The following GALNT17 variants were observed in gnomAD, a reference collection of about 807,000 sequenced individuals.
The protein encoded by GALNT17 is UDP-GalNAc:polypeptide N-acetylgalactosaminyltransferase-like 3.
In GALNT17, 29 loss-of-function variants were observed where a neutral mutation model predicts 63.7. The observed-to-expected ratio is 0.46, with a 90% CI of 0.34 to 0.62. The LOEUF is 0.62. GALNT17 is among the 20% of genes least tolerant of loss of function. GALNT17 has a pLI of 0.01. For synonymous variants in GALNT17, 305 were observed against 318.3 expected, an observed-to-expected ratio of 0.96 and a Z score of 0.45; for missense variants, 603 against 799.6, an observed-to-expected ratio of 0.75 and a Z score of 2.97.
rs5884850 is a variant in GALNT17, at chr7:71,647,229, A to ATTTTTTTTTTT, written c.1081-18181_1081-18171dup. Among the ~76,000 whole-genome samples, 897 of 137,456 alleles carry ATTTTTTTTTTT rather than the reference A, an allele frequency of 6.5e-3. 53 individuals carry two copies. Among genetic ancestry groups the ATTTTTTTTTTT allele is most frequent in the African/African-American group, 0.026 (850 of 32,098 alleles). The allele number at this position is 137,456 out of a possible 152,430, so 90.2% of individuals were successfully genotyped here. On this transcript the variant is annotated intron_variant, in intron 6 of 10. Coordinates refer to ENST00000333538, the MANE Select transcript of GALNT17 (RefSeq NM_022479.3). ...CAGGTGCCCACCACTGTGCCCAGCT[A>ATTTTTTTTTTT]TTTTTTTTTTTGTATTTTTAGTAGA...
At chr7:71,660,214 T>TTTAA (rs1489611651) in intron 6 of GALNT17, among the ~76,000 whole-genome samples, 2 of 152,138 alleles carry the variant, frequency 1.3e-5, no homozygotes, top group Non-Finnish European at 2.9e-5. Context: ...CCCATATCCA[T>TTTAA]TTAAGCAGGG....
chr7:71,654,435 T>C (rs1461977513), intron 6 of GALNT17, among the ~76,000 whole-genome samples: 1 of 152,220 alleles, frequency 6.6e-6, no homozygotes, highest in Non-Finnish European at 1.5e-5. Context: ...CCTAAGTGAT[T>C]GGGAACTTCT....
At chr7:71,513,805 G>A (rs1333163399) in intron 5 of GALNT17, among the ~76,000 whole-genome samples, 1 of 152,164 alleles carries the variant, frequency 6.6e-6, no homozygotes, top group Non-Finnish European at 1.5e-5. Flanking sequence ...TGTATCCTGG[G>A]ACTGTGGGTT....
chr7:71,397,649 C>G (rs983836213), intron 3 of GALNT17, among the ~76,000 whole-genome samples: 4 of 152,186 alleles, frequency 2.6e-5, no homozygotes, highest in African/African-American at 4.8e-5. Flanking sequence ...TGGAGGTTGG[C>G]CTCTGTGGCT....
chr7:71,437,699 G>A (rs1001172758), intron 5 of GALNT17, among the ~76,000 whole-genome samples: 1 of 151,996 alleles, frequency 6.6e-6, no homozygotes, highest in Non-Finnish European at 1.5e-5. Context: ...TTCAGTTTTT[G>A]TTGTTGTTTT....
At chr7:71,249,184 T>A (rs1004840208) in intron 1 of GALNT17, among the ~76,000 whole-genome samples, 1 of 152,262 alleles carries the variant, frequency 6.6e-6, no homozygotes, top group East Asian at 1.9e-4. Context: ...CATCTTTACA[T>A]AACAGCATCT....
chr7:71,438,690 G>C (rs1203662074), intron 5 of GALNT17, among the ~76,000 whole-genome samples: 2 of 152,112 alleles, frequency 1.3e-5, no homozygotes, highest in Non-Finnish European at 2.9e-5. Context: ...AATAACAGCT[G>C]TTCTTGCTAT....
chr7:71,331,612 G>A lies in GALNT17; in HGVS notation c.239-3938G>A, dbSNP rs187463374. Among the ~76,000 whole-genome samples, 5 of 152,196 alleles carry A rather than the reference G, an allele frequency of 3.3e-5. No individual in the cohort carries two copies. In the East Asian group the frequency reaches 7.8e-4, roughly 24 times the overall value. Reference sequence around the variant, plus strand: ...TGTAATTTCAGGTACTTGGGAGGCCGAGGCAGGAGGATTGCTTGAGCCCGG... The same window carrying A: ...TGTAATTTCAGGTACTTGGGAGGCCAAGGCAGGAGGATTGCTTGAGCCCGG... On this transcript the variant is annotated intron_variant, in intron 1 of 10. Transcript: ENST00000333538.
chr7:71,632,954 A>C (rs1474045651), intron 6 of GALNT17, among the ~76,000 whole-genome samples: 1 of 151,498 alleles, frequency 6.6e-6, no homozygotes, highest in Non-Finnish European at 1.5e-5. Flanking sequence ...AAATACAAAA[A>C]CTAGCTGGGC....
chr7:71,447,948 A>T (rs1160225096), intron 5 of GALNT17, among the ~76,000 whole-genome samples: 1 of 151,862 alleles, frequency 6.6e-6, no homozygotes, highest in Non-Finnish European at 1.5e-5. Context: ...TGATCCTGGG[A>T]TTCCTTTCAC....
chr7:71,222,416 C>T (rs1789603533), intron 1 of GALNT17, among the ~76,000 whole-genome samples: 1 of 151,694 alleles, frequency 6.6e-6, no homozygotes, highest in Non-Finnish European at 1.5e-5. Context: ...CCTTGGCCTC[C>T]CGAGTAGCTG....
chr7:71,698,758 A>C (rs1040196012), intron 9 of GALNT17, among the ~76,000 whole-genome samples: 19 of 152,278 alleles, frequency 1.2e-4, no homozygotes, highest in African/African-American at 4.3e-4. Context: ...AAATAAGTAC[A>C]AATATATCAT....
chr7:71,230,364 C>T (rs1225626949), intron 1 of GALNT17, among the ~76,000 whole-genome samples: 1 of 152,102 alleles, frequency 6.6e-6, no homozygotes, highest in Non-Finnish European at 1.5e-5. Context: ...GGTCAAGGCC[C>T]CCCTCATGGG....
chr7:71,243,317 T>A (rs779362064), intron 1 of GALNT17, among the ~76,000 whole-genome samples: 4 of 152,186 alleles, frequency 2.6e-5, no homozygotes, highest in Non-Finnish European at 4.4e-5. Context: ...ACCTCTTTTC[T>A]TTATAATTAA....
chr7:71,270,240 G>T (rs1790560697), intron 1 of GALNT17, among the ~76,000 whole-genome samples: 2 of 151,704 alleles, frequency 1.3e-5, no homozygotes, highest in Non-Finnish European at 2.9e-5. Flanking sequence ...TAGTCCCTGG[G>T]GTATCTCACT....
At chr7:71,168,040 C>G (rs1177048509) in intron 1 of GALNT17, among the ~76,000 whole-genome samples, 1 of 152,184 alleles carries the variant, frequency 6.6e-6, no homozygotes, top group Non-Finnish European at 1.5e-5. Flanking sequence ...ATGATGCAAG[C>G]TATGGCTCGA....
At chr7:71,377,099 A>C (rs1035938375) in intron 2 of GALNT17, among the ~76,000 whole-genome samples, 4 of 56,544 alleles carry the variant, frequency 7.1e-5, no homozygotes, top group Non-Finnish European at 1.3e-4. Context: ...AAAAAAAAAA[A>C]ATAAAAATAA....
intron 1 of GALNT17, among the ~76,000 whole-genome samples, chr7:71,222,906 A>G (rs987283439): frequency 6.6e-6 from 1 of 152,072 alleles, no homozygotes; most frequent in Admixed American, 6.6e-5. Context: ...CCCTTCCTCT[A>G]CAAAAAACCC....
Position 71,259,564 on chromosome 7 carries a change from G to A in GALNT17, c.239-75986G>A, listed in dbSNP as rs546042035. On this transcript the variant is annotated intron_variant, in intron 1 of 10. Coordinates refer to ENST00000333538, the MANE Select transcript of GALNT17 (RefSeq NM_022479.3). ...CTTAGTGGACAGTGTCACATATTAA[G>A]AGAGGGGACATAAGCCAATGGAAGT... Among the ~76,000 whole-genome samples the A allele has an allele frequency of 2.6e-5, 4 of 152,054 alleles. No individual in the cohort carries two copies. In the East Asian group the frequency reaches 7.7e-4, roughly 29 times the overall value.
Sources: gnomAD v4.1 joint callset for allele counts (sites outside exome capture counted in the v4.1 genomes callset) on GRCh38, gnomAD v4.1.1 for gene constraint, MANE v1.5 for transcripts, NCBI Gene and HGNC (gene_info 2026-07-23, HGNC 2026-07-21) for gene names.